The following SLC7A8 variants were observed in gnomAD, a reference collection of about 807,000 sequenced individuals.
SLC7A8 encodes solute carrier family 7 member 8, also known as large neutral amino acids transporter small subunit 2.
Under a neutral mutation model 51.2 loss-of-function variants are expected in SLC7A8, and 30 were observed. The observed-to-expected ratio is 0.59, with a 90% confidence interval of 0.44 to 0.80. The LOEUF (loss-of-function observed/expected upper bound fraction) is 0.80. SLC7A8 is among the 30% of genes least tolerant of loss of function. The probability of loss-of-function intolerance (pLI) is 0.00; values close to 1 mark genes in which losing one functional copy is unlikely to be tolerated. For synonymous variants in SLC7A8, 257 were observed against 275.8 expected, an observed-to-expected ratio of 0.93 and a Z score of 0.67; for missense variants, 612 against 674.4, an observed-to-expected ratio of 0.91 and a Z score of 1.03.
Position 23,155,458 on chromosome 14 carries a change from C to A in SLC7A8, c.508+9827G>T, listed in dbSNP as rs573220883. Reference sequence around the variant, plus strand: ...AGCTGGGGTTTCTGCTGAATCACCACCCAGTATTTAGCTCAGCCAAGAGGC... The same window carrying A: ...AGCTGGGGTTTCTGCTGAATCACCAACCAGTATTTAGCTCAGCCAAGAGGC... On this transcript the variant is annotated intron_variant, in intron 3 of 10. Coordinates refer to ENST00000316902, the MANE Select transcript of SLC7A8 (RefSeq NM_012244.4). 9 of 1,429,296 alleles carry A rather than the reference C, an allele frequency of 6.3e-6. No individual in the cohort carries two copies. The South Asian group carries it at 1.4e-4, about 21-fold the overall frequency. 88.5% of individuals were successfully genotyped at this position (1,429,296 alleles called of 1,614,324 possible).
chr14:23,155,795 C>T (rs2048888250), intron 3 of SLC7A8, among the ~76,000 whole-genome samples: 1 of 151,840 alleles, frequency 6.6e-6, no homozygotes. Context: ...CCTGACCCTC[C>T]ATCATATTTC....
intron 3 of SLC7A8, among the ~76,000 whole-genome samples, chr14:23,144,191 C>A (rs957396850): frequency 1.3e-5 from 2 of 151,942 alleles, no homozygotes; most frequent in African/African-American, 4.8e-5. Flanking sequence ...GGAATGAGAT[C>A]CTGGGCCATA....
intron 1 of SLC7A8, among the ~76,000 whole-genome samples, chr14:23,177,016 G>A (rs1031684554): frequency 6.6e-6 from 1 of 151,786 alleles, no homozygotes; most frequent in Non-Finnish European, 1.5e-5. Flanking sequence ...CATGTTAGTT[G>A]GGAGATAGTG....
intron 1 of SLC7A8, among the ~76,000 whole-genome samples, chr14:23,169,002 T>C (rs573408237): frequency 6.6e-6 from 1 of 152,226 alleles, no homozygotes; most frequent in East Asian, 1.9e-4. Flanking sequence ...GAGTCCTCAC[T>C]TCATAAAAAT....
chr14:23,177,279 G>A (rs1876967166), intron 1 of SLC7A8, among the ~76,000 whole-genome samples: 1 of 152,226 alleles, frequency 6.6e-6, no homozygotes, highest in African/African-American at 2.4e-5. Flanking sequence ...TAAATAGACT[G>A]TAACCTACTT....
intron 3 of SLC7A8, among the ~76,000 whole-genome samples, chr14:23,159,618 A>G (rs2236133): frequency 0.65 from 99,242 of 152,112 alleles, 37,930 homozygotes; most frequent in Non-Finnish European, 0.85. Flanking sequence ...TAAGGGATTT[A>G]GATGATAGGA....
chr14:23,177,429 C>T (rs1188328740), intron 1 of SLC7A8, among the ~76,000 whole-genome samples: 3 of 152,248 alleles, frequency 2.0e-5, no homozygotes, highest in Non-Finnish European at 4.4e-5. Flanking sequence ...TTGCCTTTTT[C>T]TGCCCATAAA....
chr14:23,133,797 C>T (rs893408332), intron 7 of SLC7A8, among the ~76,000 whole-genome samples: 5 of 151,810 alleles, frequency 3.3e-5, no homozygotes, highest in African/African-American at 1.2e-4. Flanking sequence ...GCACTCCAAC[C>T]TGGATGACAG....
At chr14:23,179,767 G>A (rs985864622) in intron 1 of SLC7A8, among the ~76,000 whole-genome samples, 3 of 151,940 alleles carry the variant, frequency 2.0e-5, no homozygotes, top group East Asian at 3.8e-4. Context: ...CAGTGAGCAC[G>A]CCACAGCACT....
Position 23,143,200 on chromosome 14 carries a change from G to A in SLC7A8, c.513C>T (p.Leu171=). Residue 171 remains leucine (L), a synonymous_variant, in exon 4 of 11, where the codon CTC becomes CTT. Transcript: ENST00000316902. Reference sequence around the variant, plus strand: ...CACTGGAACAGTTGACCCATGTGAGGAGCACTGAAATGAAAGACCCCCAAA... The same window carrying A: ...CACTGGAACAGTTGACCCATGTGAGAAGCACTGAAATGAAAGACCCCCAAA... ...LRLLAAICLL[L]LTWVNCSSVR... The A allele has an allele frequency of 1.2e-6, 2 of 1,614,156 alleles. No individual in the cohort carries two copies. The highest frequency in any genetic ancestry group is 4.5e-5 in the East Asian group (2 of 44,862).
At chr14:23,166,256 G>T in intron 2 of SLC7A8, 80 bp downstream of exon 2, 1 of 1,501,320 alleles carries the variant, frequency 6.7e-7, no homozygotes, top group East Asian at 2.3e-5. Context: ...CCCTGGCCTT[G>T]GCTTTTTCCA....
intron 1 of SLC7A8, among the ~76,000 whole-genome samples, chr14:23,171,076 G>A (rs1445051523): frequency 6.6e-6 from 1 of 152,106 alleles, no homozygotes; most frequent in Non-Finnish European, 1.5e-5. Context: ...ATTACTGTGG[G>A]TTTTTTCCTC....
At chr14:23,142,536 A>C (rs1239401284) in intron 4 of SLC7A8, among the ~76,000 whole-genome samples, 1 of 152,142 alleles carries the variant, frequency 6.6e-6, no homozygotes, top group Admixed American at 6.5e-5. Flanking sequence ...GGTCTTGCTC[A>C]GTCGCCCAGG....
At chr14:23,140,650 G>A (rs370135562) in intron 4 of SLC7A8, 26 bp from the exon 5 acceptor site, 39 of 1,594,796 alleles carry the variant, frequency 2.4e-5, no homozygotes, top group South Asian at 7.8e-5. Flanking sequence ...ACAGGAGGCC[G>A]CTCAGTGAGA....
chr14:23,145,921 G>C (rs913544938), intron 3 of SLC7A8, among the ~76,000 whole-genome samples: 2 of 152,198 alleles, frequency 1.3e-5, no homozygotes, highest in Admixed American at 6.5e-5. Flanking sequence ...TTAAGTGCCC[G>C]AGCAGGGAGA....
chr14:23,151,639 T>C (rs548099279), intron 3 of SLC7A8, among the ~76,000 whole-genome samples: 1 of 151,208 alleles, frequency 6.6e-6, no homozygotes, highest in African/African-American at 2.4e-5. Context: ...ATACCTGTAG[T>C]CCCAGCTACA....
intron 1 of SLC7A8, among the ~76,000 whole-genome samples, chr14:23,180,886 G>T (rs557382524): frequency 3.7e-4 from 56 of 152,292 alleles, no homozygotes; most frequent in African/African-American, 1.3e-3. Context: ...AATTAGCAGG[G>T]CGTGGTGGTG....
intron 7 of SLC7A8, among the ~76,000 whole-genome samples, chr14:23,132,697 A>G (rs914097278): frequency 2.0e-5 from 3 of 147,804 alleles, no homozygotes; most frequent in Non-Finnish European, 4.5e-5. Flanking sequence ...GTGCAATAGC[A>G]CGATCTTGGT....
intron 3 of SLC7A8, chr14:23,155,289 G>T (rs1048298830): frequency 2.6e-6 from 4 of 1,536,076 alleles, no homozygotes; most frequent in Non-Finnish European, 3.5e-6. Flanking sequence ...TGTGAGGGCT[G>T]TGAGTGCTCC....
Sources: allele counts gnomAD v4.1 joint callset (sites outside exome capture counted in the v4.1 genomes callset), GRCh38; gene constraint gnomAD v4.1.1; transcripts MANE v1.5; gene names NCBI Gene and HGNC (gene_info 2026-07-23, HGNC 2026-07-21).